Variants in TAAR6 observed in about 807,000 individuals in gnomAD.
TAAR6 encodes the protein trace amine-associated receptor 6.
A neutral mutation model predicts 18.4 loss-of-function variants in TAAR6; 15 were observed. That is an observed-to-expected ratio of 0.82 (90% CI 0.55 to 1.26). TAAR6 has a LOEUF of 1.26. Ranked by LOEUF, TAAR6 falls within the 50% of genes most tolerant of loss-of-function variation. The pLI, the probability that TAAR6 is intolerant of heterozygous loss-of-function variation, is 0.00. For missense variants in TAAR6, 501 were observed against 415.9 expected (o/e 1.20, Z -1.78); for synonymous variants, 192 against 162.4 (o/e 1.18, Z -1.39).
At position 132,571,130 on chromosome 6, in the gene TAAR6, C is replaced by A; in HGVS notation, c.809C>A (p.Ser270Ter). 1 of 1,614,030 alleles carries A rather than the reference C, an allele frequency of 6.2e-7. No homozygotes were observed. The highest frequency in any genetic ancestry group is 8.5e-7 in the Non-Finnish European group (1 of 1,179,972). Residue 270 changes from serine to a stop codon, truncating the protein, a stop_gained, in exon 1 of 1, where the codon TCA becomes TAA. Transcript: ENST00000275198. LOFTEE classifies it high-confidence loss of function. ...GTCACAGTGGTAGCATTTATGATTTCATGGTTACCATATAGCATTGATTCA... is the reference window on the plus strand; with the variant it reads ...GTCACAGTGGTAGCATTTATGATTTAATGGTTACCATATAGCATTGATTCA... ...LGVTVVAFMI[S>*]WLPYSIDSLI...
chr6:132,570,494 T>C lies in TAAR6; in HGVS notation c.173T>C (p.Leu58Pro). 1 of 1,613,948 alleles carries C rather than the reference T, an allele frequency of 6.2e-7. No homozygotes were observed. The highest frequency in any genetic ancestry group is 1.1e-5 in the South Asian group (1 of 91,066). Residue 58 changes from leucine (L) to proline (P), a missense_variant, in exon 1 of 1, where the codon CTC (leucine) becomes CCC (proline). Coordinates refer to ENST00000275198, the MANE Select transcript of TAAR6 (RefSeq NM_175067.1). ...FGNLLVMISI[L>P]HFKQLHSPTN... ...AACCTCCTGGTGATGATTTCAATCC[T>C]CCATTTCAAGCAGCTGCACTCTCCG... is the stretch of plus-strand genomic sequence containing the variant.
chr6:132,570,735 G>A lies in TAAR6; in HGVS notation c.414G>A (p.Leu138=). Residue 138 remains leucine, a synonymous_variant, in exon 1 of 1, where the codon CTG becomes CTA. Coordinates refer to ENST00000275198, the MANE Select transcript of TAAR6 (RefSeq NM_175067.1). ...IDRYIAVTDP[L]VYPTKFTVSV... ...GGTACATTGCGGTTACTGACCCCCT[G>A]GTCTATCCTACCAAGTTCACCGTAT... 1 of 1,614,004 alleles carries A rather than the reference G, an allele frequency of 6.2e-7. No individual in the cohort carries two copies. Among genetic ancestry groups the A allele is most frequent in the Non-Finnish European group, 8.5e-7 (1 of 1,179,966 alleles).
In TAAR6 at chr6:132,570,396, C is replaced by T. The variant is rs759528329; in HGVS notation, c.75C>T (p.Ile25=). The part of the protein sequence containing the change: ...YANVNGSCVK[I]PFSPGSRVIL... ...ACGTGAATGGGTCCTGTGTGAAAATCCCCTTCTCGCCGGGATCCCGGGTGA... is the reference window on the plus strand; with the variant it reads ...ACGTGAATGGGTCCTGTGTGAAAATTCCCTTCTCGCCGGGATCCCGGGTGA... Residue 25 remains isoleucine, a synonymous_variant, in exon 1 of 1, where the codon ATC becomes ATT. Transcript: ENST00000275198. 1.9e-6 allele frequency: 3 copies of T among 1,614,052 alleles called. No individual in the cohort carries two copies. The highest frequency in any genetic ancestry group is 3.3e-5 in the Admixed American group (2 of 60,018).
In TAAR6 at chr6:132,570,897, C is replaced by T. The variant is rs374779651; in HGVS notation, c.576C>T (p.Thr192=). 36 of 1,614,106 alleles carry T rather than the reference C, an allele frequency of 2.2e-5. No homozygotes were observed. The highest frequency in any genetic ancestry group is 4.5e-5 in the East Asian group (2 of 44,882). ...DALNCIGGCQ[T]VVNQNWVLTD... ...TAAACTGTATAGGAGGTTGTCAGAC[C>T]GTTGTAAATCAAAACTGGGTGTTGA... Residue 192 remains threonine, a synonymous_variant, in exon 1 of 1, where the codon ACC becomes ACT. Transcript: ENST00000275198.
At position 132,570,633 on chromosome 6, in the gene TAAR6, T is replaced by C. The variant is rs930501318; in HGVS notation, c.312T>C (p.Phe104=). The C allele has an allele frequency of 6.2e-7, 1 of 1,614,150 alleles. No individual in the cohort carries two copies. Among genetic ancestry groups the C allele is most frequent in the Non-Finnish European group, 8.5e-7 (1 of 1,180,014 alleles). Residue 104 remains phenylalanine (F), a synonymous_variant, in exon 1 of 1, where the codon TTT becomes TTC. Coordinates refer to ENST00000275198, the MANE Select transcript of TAAR6 (RefSeq NM_175067.1). ...VESCWYFGRS[F]CTFHTCCDVA... ...GCTGCTGGTATTTTGGGAGGAGTTT[T>C]TGTACTTTCCACACCTGCTGTGATG...
In TAAR6 at chr6:132,570,882, A is replaced by G. The variant is rs772019904; in HGVS notation, c.561A>G (p.Ile187Met). ...LEELSDALNC[I>M]GGCQTVVNQN... ...AATTATCTGATGCCCTAAACTGTAT[A>G]GGAGGTTGTCAGACCGTTGTAAATC... Residue 187 changes from isoleucine (I) to methionine (M), a missense_variant, in exon 1 of 1, where the codon ATA becomes ATG. Ile to Met is a conservative substitution (Grantham distance 10). Transcript: ENST00000275198. The G allele has an allele frequency of 6.2e-7, 1 of 1,614,190 alleles. No individual in the cohort carries two copies. The highest frequency in any genetic ancestry group is 1.1e-5 in the South Asian group (1 of 91,072).
Position 132,570,574 on chromosome 6 carries a change from G to A in TAAR6, c.253G>A (p.Val85Met). The A allele has an allele frequency of 1.2e-6, 2 of 1,614,080 alleles. No homozygotes were observed. Among genetic ancestry groups the A allele is most frequent in the Non-Finnish European group, 1.7e-6 (2 of 1,180,002 alleles). ...CGCTGATTTCTTGGTGGGTGTGACT[G>A]TGATGCCCTTCAGCATGGTCAGGAC... is the stretch of plus-strand genomic sequence containing the variant. ...ACADFLVGVT[V>M]MPFSMVRTVE... The change falls in exon 1 of 1, where the codon GTG becomes ATG. Residue 85 changes from valine to methionine, a missense_variant. Coordinates refer to ENST00000275198, the MANE Select transcript of TAAR6 (RefSeq NM_175067.1).
rs1245057253 is a variant in TAAR6, at chr6:132,570,354, G to A, written c.33G>A (p.Val11=). Residue 11 remains valine (V), a synonymous_variant, in exon 1 of 1, where the codon GTG becomes GTA. Transcript: ENST00000275198. The part of the protein sequence containing the change: MSSNSSLLVA[V]QLCYANVNGS... ...GCAATTCATCCCTGCTGGTGGCTGT[G>A]CAGCTGTGCTACGCGAACGTGAATG... 6.2e-7 allele frequency: 1 copy of A among 1,612,768 alleles called. No homozygotes were observed. Among genetic ancestry groups the A allele is most frequent in the South Asian group, 1.1e-5 (1 of 91,060 alleles).
At position 132,570,465 on chromosome 6, in the gene TAAR6, T is replaced by G. The variant is rs1395553116; in HGVS notation, c.144T>G (p.Phe48Leu). Residue 48 changes from phenylalanine (F) to leucine (L), a missense_variant, in exon 1 of 1, where the codon TTT (phenylalanine) becomes TTG (leucine). By Grantham distance (22) the Phe-to-Leu change is conservative (BLOSUM62 0). Transcript: ENST00000275198. ...VFGFGAVLAVFGNLLVMISIL... is the reference protein window; with the variant it reads ...VFGFGAVLAVLGNLLVMISIL... ...GCTTTGGGGCTGTGCTGGCTGTGTTTGGAAACCTCCTGGTGATGATTTCAA... is the reference window on the plus strand; with the variant it reads ...GCTTTGGGGCTGTGCTGGCTGTGTTGGGAAACCTCCTGGTGATGATTTCAA... 1 of 1,614,068 alleles carries G rather than the reference T, an allele frequency of 6.2e-7. No individual in the cohort carries two copies. Among genetic ancestry groups the G allele is most frequent in the Non-Finnish European group, 8.5e-7 (1 of 1,179,988 alleles).
In TAAR6 at chr6:132,571,183, A is replaced by G; in HGVS notation, c.862A>G (p.Thr288Ala). ...AATTGATGCCTTTATGGGCTTTATA[A>G]CCCCTGCCTGTATTTATGAGATTTG... ...SLIDAFMGFI[T>A]PACIYEICCW... The change falls in exon 1 of 1, where the codon ACC becomes GCC. Residue 288 changes from threonine (T) to alanine (A), a missense_variant. Coordinates refer to ENST00000275198, the MANE Select transcript of TAAR6 (RefSeq NM_175067.1). 9.3e-6 allele frequency: 15 copies of G among 1,613,782 alleles called. No individual in the cohort carries two copies. Among genetic ancestry groups the G allele is most frequent in the Non-Finnish European group, 1.3e-5 (15 of 1,179,916 alleles).
In TAAR6 at chr6:132,571,306, C is replaced by G. The variant is rs1269735568; in HGVS notation, c.985C>G (p.Gln329Glu). Residue 329 changes from glutamine to glutamate, a missense_variant, in exon 1 of 1, where the codon CAG becomes GAG. Transcript: ENST00000275198. Reference sequence around the variant, plus strand: ...AGCAATAAAAGTTATTGTAACTGGTCAGGTTTTAAAGAACAGTTCAGCAAC... The same window carrying G: ...AGCAATAAAAGTTATTGTAACTGGTGAGGTTTTAAAGAACAGTTCAGCAAC... ...RKAIKVIVTGQVLKNSSATMN... is the reference protein window; with the variant it reads ...RKAIKVIVTGEVLKNSSATMN... 5 of 1,613,646 alleles carry G rather than the reference C, an allele frequency of 3.1e-6. No homozygotes were observed. The African/African-American group carries it at 5.3e-5, about 17-fold the overall frequency.
chr6:132,571,161 T>C lies in TAAR6; in HGVS notation c.840T>C (p.Ile280=). 1 of 1,614,116 alleles carries C rather than the reference T, an allele frequency of 6.2e-7. No individual in the cohort carries two copies. The highest frequency in any genetic ancestry group is 8.5e-7 in the Non-Finnish European group (1 of 1,179,970). The change falls in exon 1 of 1, where the codon ATT becomes ATC. Residue 280 remains isoleucine, a synonymous_variant. Coordinates refer to ENST00000275198, the MANE Select transcript of TAAR6 (RefSeq NM_175067.1). ...TACCATATAGCATTGATTCATTAAT[T>C]GATGCCTTTATGGGCTTTATAACCC... The part of the protein sequence containing the change: ...SWLPYSIDSL[I]DAFMGFITPA...
In TAAR6 at chr6:132,571,263, T is replaced by G; in HGVS notation, c.942T>G (p.Phe314Leu). The G allele has an allele frequency of 2.5e-6, 4 of 1,614,126 alleles. No individual in the cohort carries two copies. Among genetic ancestry groups the G allele is most frequent in the Non-Finnish European group, 3.4e-6 (4 of 1,179,970 alleles). ...SAMNPLIYALFYPWFRKAIKV... is the reference protein window; with the variant it reads ...SAMNPLIYALLYPWFRKAIKV... Reference sequence around the variant, plus strand: ...TGAATCCTTTGATTTATGCTTTATTTTACCCATGGTTTAGGAAAGCAATAA... The same window carrying G: ...TGAATCCTTTGATTTATGCTTTATTGTACCCATGGTTTAGGAAAGCAATAA... Residue 314 changes from phenylalanine to leucine, a missense_variant, in exon 1 of 1, where the codon TTT becomes TTG. Physicochemically the swap from Phe to Leu is conservative, Grantham distance 22 (BLOSUM62 0). Coordinates refer to ENST00000275198, the MANE Select transcript of TAAR6 (RefSeq NM_175067.1).
chr6:132,570,992 C>G lies in TAAR6; in HGVS notation c.671C>G (p.Ala224Gly), dbSNP rs751016837. 6.2e-7 allele frequency: 1 copy of G among 1,613,998 alleles called. No homozygotes were observed. The highest frequency in any genetic ancestry group is 1.3e-5 in the African/African-American group (1 of 75,022). The change falls in exon 1 of 1, where the codon GCT (alanine) becomes GGT (glycine). Residue 224 changes from alanine to glycine, a missense_variant. Coordinates refer to ENST00000275198, the MANE Select transcript of TAAR6 (RefSeq NM_175067.1). ...CTGTATGGTAACATATTTCTTGTGG[C>G]TAGACGACAGGCGAAAAAGATAGAA... ...IILYGNIFLVARRQAKKIENT... is the reference protein window; with the variant it reads ...IILYGNIFLVGRRQAKKIENT...
Position 132,571,089 on chromosome 6 carries a change from AG to A in TAAR6, c.769del (p.Ala257LeufsTer9), listed in dbSNP as rs1165218156. On this transcript the variant is annotated frameshift_variant, in exon 1 of 1. Transcript: ENST00000275198. LOFTEE classifies it high-confidence loss of function. ...ARVARRERKA[A>X]KTLGVTVVAF... Reference sequence around the variant, plus strand: ...GAGTGGCCAGGAGAGAGAGAAAAGCAGCTAAAACCCTGGGGGTCACAGTGGT... The same window carrying A: ...GAGTGGCCAGGAGAGAGAGAAAAGCACTAAAACCCTGGGGGTCACAGTGGT... 10 of 1,614,002 alleles carry A rather than the reference AG, an allele frequency of 6.2e-6. No homozygotes were observed. Among genetic ancestry groups the A allele is most frequent in the African/African-American group, 1.3e-5 (1 of 74,938 alleles).
Position 132,570,985 on chromosome 6 carries a change from C to A in TAAR6, c.664C>A (p.Leu222Ile), listed in dbSNP as rs762798385. The A allele has an allele frequency of 3.7e-6, 6 of 1,613,902 alleles. No individual in the cohort carries two copies. The highest frequency in any genetic ancestry group is 5.1e-6 in the Non-Finnish European group (6 of 1,179,990). Reference protein sequence around the residue: ...IMIILYGNIFLVARRQAKKIE... With the variant: ...IMIILYGNIFIVARRQAKKIE... ...GATAATTCTGTATGGTAACATATTT[C>A]TTGTGGCTAGACGACAGGCGAAAAA... Residue 222 changes from leucine to isoleucine, a missense_variant, in exon 1 of 1, where the codon CTT becomes ATT. Transcript: ENST00000275198.
rs753471109 is a variant in TAAR6, at chr6:132,570,505, C to T, written c.184C>T (p.Gln62Ter). The change falls in exon 1 of 1, where the codon CAG becomes TAG. Residue 62 changes from glutamine to a stop codon, truncating the protein, a stop_gained. Coordinates refer to ENST00000275198, the MANE Select transcript of TAAR6 (RefSeq NM_175067.1). LOFTEE classifies it low-confidence loss of function (END_TRUNC). ...GATGATTTCAATCCTCCATTTCAAG[C>T]AGCTGCACTCTCCGACCAATTTTCT... ...LVMISILHFK[Q>*]LHSPTNFLVA... is the part of the protein sequence containing the mutation. 9 of 1,613,802 alleles carry T rather than the reference C, an allele frequency of 5.6e-6. No homozygotes were observed. The African/African-American group carries it at 1.1e-4, about 19-fold the overall frequency.
In TAAR6 at chr6:132,570,733, C is replaced by T; in HGVS notation, c.412C>T (p.Leu138=). The change falls in exon 1 of 1, where the codon CTG becomes TTG. Residue 138 remains leucine (L), a synonymous_variant. Transcript: ENST00000275198. Reference sequence around the variant, plus strand: ...CAGGTACATTGCGGTTACTGACCCCCTGGTCTATCCTACCAAGTTCACCGT... The same window carrying T: ...CAGGTACATTGCGGTTACTGACCCCTTGGTCTATCCTACCAAGTTCACCGT... ...IDRYIAVTDP[L]VYPTKFTVSV... is the part of the protein sequence containing the mutation. 5 of 1,614,138 alleles carry T rather than the reference C, an allele frequency of 3.1e-6. No individual in the cohort carries two copies. The highest frequency in any genetic ancestry group is 3.4e-6 in the Non-Finnish European group (4 of 1,180,004).
chr6:132,570,397 C>G lies in TAAR6; in HGVS notation c.76C>G (p.Pro26Ala). Residue 26 changes from proline (P) to alanine (A), a missense_variant, in exon 1 of 1, where the codon CCC (proline) becomes GCC (alanine). Coordinates refer to ENST00000275198, the MANE Select transcript of TAAR6 (RefSeq NM_175067.1). ...ANVNGSCVKI[P>A]FSPGSRVILY... ...CGTGAATGGGTCCTGTGTGAAAATC[C>G]CCTTCTCGCCGGGATCCCGGGTGAT... The G allele has an allele frequency of 6.2e-7, 1 of 1,614,044 alleles. No individual in the cohort carries two copies. The highest frequency in any genetic ancestry group is 1.3e-5 in the African/African-American group (1 of 75,010).
Sources: allele counts gnomAD v4.1 joint callset, GRCh38; gene constraint gnomAD v4.1.1; transcripts MANE v1.5; gene names NCBI Gene and HGNC (gene_info 2026-07-23, HGNC 2026-07-21).